SNTG2: variants seen among roughly 807,000 people sequenced by gnomAD.
SNTG2 encodes the protein gamma-2-syntrophin.
Under a neutral mutation model 70.9 loss-of-function variants are expected in SNTG2, and 74 were observed. The observed-to-expected ratio is 1.04, with a 90% CI of 0.86 to 1.27. SNTG2 has a LOEUF of 1.27. Ranked by LOEUF, SNTG2 falls within the 50% of genes most tolerant of loss-of-function variation. SNTG2 has a pLI of 0.00. For missense variants in SNTG2, 717 were observed against 690.7 expected (o/e 1.04, Z -0.43); for synonymous variants, 278 against 273.8 (o/e 1.02, Z -0.15).
chr2:1,012,679 G>A (rs1659769655), intron 1 of SNTG2, among the ~76,000 whole-genome samples: 1 of 125,388 alleles, frequency 8.0e-6, no homozygotes, highest in Non-Finnish European at 1.8e-5. Context: ...AGAGAAGGGT[G>A]GTCTGGAGAA....
At chr2:1,284,421 C>A (rs373643431) in intron 14 of SNTG2, among the ~76,000 whole-genome samples, 1 of 152,144 alleles carries the variant, frequency 6.6e-6, no homozygotes, top group Non-Finnish European at 1.5e-5. Flanking sequence ...TTCTGGGATG[C>A]GAGCTCGGTG....
chr2:1,221,405 C>G (rs568749327), intron 9 of SNTG2, among the ~76,000 whole-genome samples: 2 of 72,912 alleles, frequency 2.7e-5, no homozygotes, highest in South Asian at 4.8e-4. Context: ...CTCTGTCCCT[C>G]TCAGTCTCTG....
intron 16 of SNTG2, among the ~76,000 whole-genome samples, chr2:1,366,605 C>T (rs1015683419): frequency 2.6e-5 from 4 of 152,182 alleles, no homozygotes; most frequent in African/African-American, 7.2e-5. Context: ...CTCCCTGGGG[C>T]ACCCTTTCCT....
intron 9 of SNTG2, among the ~76,000 whole-genome samples, chr2:1,231,055 A>G (rs1202402215): frequency 7.2e-4 from 97 of 135,122 alleles, no homozygotes; most frequent in Middle Eastern, 9.9e-3. Context: ...GGTCACTGCG[A>G]GGGTGAAATA....
At chr2:1,029,107 CTTATCT>C (rs1167653398) in intron 1 of SNTG2, among the ~76,000 whole-genome samples, 1 of 152,172 alleles carries the variant, frequency 6.6e-6, no homozygotes, top group Non-Finnish European at 1.5e-5. Context: ...CCCCAGCCTA[CTTATCT>C]TTATCTCCCC....
chr2:998,293 C>T (rs574429931), intron 1 of SNTG2, among the ~76,000 whole-genome samples: 92 of 151,978 alleles, frequency 6.1e-4, no homozygotes, highest in Non-Finnish European at 9.6e-4. Flanking sequence ...GCAGTATATC[C>T]TAACCAAAAT....
intron 1 of SNTG2, among the ~76,000 whole-genome samples, chr2:977,652 G>A (rs2147963431): frequency 6.6e-6 from 1 of 152,242 alleles, no homozygotes; most frequent in Non-Finnish European, 1.5e-5. Context: ...TCATCCCCTT[G>A]GTGGTTTAAA....
intron 16 of SNTG2, among the ~76,000 whole-genome samples, chr2:1,340,315 G>C (rs1660022550): frequency 2.0e-5 from 3 of 152,274 alleles, no homozygotes; most frequent in Middle Eastern, 6.8e-3. Context: ...GGGTGGACTT[G>C]GCATTTGAAT....
chr2:1,267,736 C>T (rs139817179), intron 14 of SNTG2, among the ~76,000 whole-genome samples, 165 bp downstream of exon 14: 425 of 136,444 alleles, frequency 3.1e-3, no homozygotes, highest in Non-Finnish European at 5.4e-3. Context: ...CGGAGTCATG[C>T]GCTCCGTGGA....
At chr2:1,055,654 A>T (rs1662345521) in intron 1 of SNTG2, among the ~76,000 whole-genome samples, 1 of 152,214 alleles carries the variant, frequency 6.6e-6, no homozygotes, top group Non-Finnish European at 1.5e-5. Flanking sequence ...TTAGTCATTC[A>T]TAGAGATCAA....
chr2:1,166,947 C>T (rs1479987308), intron 7 of SNTG2, among the ~76,000 whole-genome samples: 2 of 152,192 alleles, frequency 1.3e-5, no homozygotes, highest in African/African-American at 2.4e-5. Flanking sequence ...CTTGCCACTC[C>T]ATGCCCCTTC....
chr2:1,211,630 G>A (rs1674050137), intron 9 of SNTG2, among the ~76,000 whole-genome samples: 1 of 152,182 alleles, frequency 6.6e-6, no homozygotes, highest in Admixed American at 6.5e-5. Flanking sequence ...TGTCTTACAT[G>A]GCGGCAGGGA....
intron 10 of SNTG2, among the ~76,000 whole-genome samples, 182 bp from the exon 11 acceptor site, chr2:1,239,556 A>G (rs1474123185): frequency 6.6e-6 from 1 of 152,212 alleles, no homozygotes; most frequent in African/African-American, 2.4e-5. Flanking sequence ...CCTGCTAGTA[A>G]AGTTGTTTTC....
chr2:1,149,099 G>A (rs1179390845), intron 6 of SNTG2, among the ~76,000 whole-genome samples: 1 of 152,188 alleles, frequency 6.6e-6, no homozygotes, highest in Non-Finnish European at 1.5e-5. Flanking sequence ...GGAAAGCAAA[G>A]TAAATTCTGG....
intron 1 of SNTG2, among the ~76,000 whole-genome samples, chr2:952,551 A>G (rs1572156214): frequency 1.3e-5 from 2 of 152,346 alleles, no homozygotes; most frequent in South Asian, 4.1e-4. Context: ...GATGTTTTCC[A>G]GTCAAGAGTG....
intron 8 of SNTG2, among the ~76,000 whole-genome samples, chr2:1,177,552 A>G (rs762734659): frequency 1.3e-4 from 20 of 152,222 alleles, no homozygotes; most frequent in Middle Eastern, 3.4e-3. Flanking sequence ...AGTAAAATTG[A>G]CAACTTCTTT....
intron 1 of SNTG2, among the ~76,000 whole-genome samples, chr2:952,890 C>T (rs1465828036): frequency 6.6e-6 from 1 of 152,176 alleles, no homozygotes; most frequent in East Asian, 1.9e-4. Flanking sequence ...CAATGTCATC[C>T]TTACTTAATG....
intron 1 of SNTG2, among the ~76,000 whole-genome samples, chr2:1,012,161 T>C (rs184259052): frequency 1.3e-5 from 2 of 152,286 alleles, no homozygotes; most frequent in East Asian, 1.9e-4. Flanking sequence ...ACGATCACAG[T>C]GGTCCCAGTG....
At chr2:1,024,908 T>C (rs1280098138) in intron 1 of SNTG2, among the ~76,000 whole-genome samples, 1 of 152,222 alleles carries the variant, frequency 6.6e-6, no homozygotes, top group East Asian at 1.9e-4. Context: ...ACAATATGAT[T>C]ACTTGTTAGT....
Sources: gnomAD v4.1 joint callset for allele counts (sites outside exome capture counted in the v4.1 genomes callset) on GRCh38, gnomAD v4.1.1 for gene constraint, MANE v1.5 for transcripts, NCBI Gene and HGNC (gene_info 2026-07-23, HGNC 2026-07-21) for gene names.